Variants in SLC7A14 observed in about 807,000 individuals in gnomAD.
SLC7A14 encodes gamma-aminobutyric acid transporter SLC7A14.
In SLC7A14, 37 loss-of-function variants were observed where a neutral mutation model predicts 60.2. The observed-to-expected ratio is 0.61, with a 90% confidence interval of 0.47 to 0.81. The LOEUF is 0.81. SLC7A14 is among the 30% of genes least tolerant of loss of function. SLC7A14 has a pLI of 0.00. For synonymous variants in SLC7A14, 399 were observed against 395.8 expected (o/e 1.01, Z -0.10); for missense variants, 886 against 982.7 (o/e 0.90, Z 1.32).
intron 4 of SLC7A14, among the ~76,000 whole-genome samples, chr3:170,492,136 T>C (rs914434663): frequency 6.6e-6 from 1 of 152,176 alleles, no homozygotes; most frequent in South Asian, 2.1e-4. Context: ...TCTATCCAGA[T>C]CTCAGATCTG....
At chr3:170,538,724 A>G (rs1396839084) in intron 1 of SLC7A14, among the ~76,000 whole-genome samples, 1 of 152,234 alleles carries the variant, frequency 6.6e-6, no homozygotes, top group Non-Finnish European at 1.5e-5. Flanking sequence ...GAAGAAAAAG[A>G]TAGCCCCTGC....
chr3:170,492,646 A>G (rs1199244814), intron 4 of SLC7A14, among the ~76,000 whole-genome samples: 1 of 152,230 alleles, frequency 6.6e-6, no homozygotes, highest in Non-Finnish European at 1.5e-5. Flanking sequence ...CACGTGCCTC[A>G]GTTGCTGGAG....
chr3:170,501,058 T>C (rs747535693), intron 3 of SLC7A14, 51 bp downstream of exon 3: 3 of 1,577,190 alleles, frequency 1.9e-6, no homozygotes, highest in Non-Finnish European at 2.6e-6. Flanking sequence ...AACTCATTTA[T>C]GTGGCTTGGT....
intron 1 of SLC7A14, among the ~76,000 whole-genome samples, chr3:170,528,830 A>G (rs1210381720): frequency 1.3e-5 from 2 of 152,026 alleles, no homozygotes; most frequent in African/African-American, 2.4e-5. Context: ...AATATACCAT[A>G]TGTTTACCGA....
At chr3:170,500,643 T>C (rs976566039) in intron 3 of SLC7A14, among the ~76,000 whole-genome samples, 1 of 152,176 alleles carries the variant, frequency 6.6e-6, no homozygotes, top group Non-Finnish European at 1.5e-5. Context: ...ATGAAACCAC[T>C]GGAGAAATTG....
At chr3:170,476,104 A>C (rs1162904453) in intron 7 of SLC7A14, among the ~76,000 whole-genome samples, 1 of 152,234 alleles carries the variant, frequency 6.6e-6, no homozygotes, top group Admixed American at 6.5e-5. Flanking sequence ...ATCATTGTCA[A>C]CTTGGCTGCC....
intron 2 of SLC7A14, among the ~76,000 whole-genome samples, chr3:170,515,668 CT>C (rs1713134045): frequency 6.6e-6 from 1 of 151,926 alleles, no homozygotes; most frequent in Admixed American, 6.6e-5. Context: ...CTTTACAAAT[CT>C]TTCCCCTCTC....
chr3:170,507,337 A>G (rs1349348927), intron 2 of SLC7A14, among the ~76,000 whole-genome samples: 1 of 152,228 alleles, frequency 6.6e-6, no homozygotes, highest in Non-Finnish European at 1.5e-5. Flanking sequence ...TCAATCAGGA[A>G]AGAGTTTAAT....
In SLC7A14 at chr3:170,569,065, G is replaced by C. The variant is rs1347881995; in HGVS notation, c.-153+16846C>G. Among the ~76,000 whole-genome samples, 14 of 152,186 alleles carry C rather than the reference G, an allele frequency of 9.2e-5. No homozygotes were observed. In the East Asian group the frequency reaches 2.3e-3, roughly 25 times the overall value. On this transcript the variant is annotated intron_variant, in intron 1 of 7. Transcript: ENST00000231706. The stretch of plus-strand genomic sequence containing the variant: ...ACACTATGTTGAATAGGAGTGGTGA[G>C]AGAGGGCATCCCTGTCTTGTGCCAG...
Position 170,503,316 on chromosome 3 carries a change from A to G in SLC7A14, c.305-1971T>C, listed in dbSNP as rs1258564155. 6.6e-5 allele frequency among the ~76,000 whole-genome samples: 10 copies of G among 152,308 alleles called. No individual in the cohort carries two copies. In the East Asian group the frequency reaches 1.9e-3, roughly 29 times the overall value. ...CAACACCTGATATTTAAATTGTTAG[A>G]GTGAGTCTAAAATTAAGAGGAAATG... On this transcript the variant is annotated intron_variant, in intron 2 of 7. Coordinates refer to ENST00000231706, the MANE Select transcript of SLC7A14 (RefSeq NM_020949.3).
intron 1 of SLC7A14, among the ~76,000 whole-genome samples, chr3:170,556,267 T>C (rs1714483507): frequency 6.6e-6 from 1 of 152,228 alleles, no homozygotes; most frequent in African/African-American, 2.4e-5. Flanking sequence ...ATTTCTTATA[T>C]GGCAAATTCA....
At chr3:170,562,914 C>T (rs1714693229) in intron 1 of SLC7A14, among the ~76,000 whole-genome samples, 1 of 151,738 alleles carries the variant, frequency 6.6e-6, no homozygotes, top group Non-Finnish European at 1.5e-5. Flanking sequence ...GTGCACACTA[C>T]CACTCCTGTC....
chr3:170,484,328 A>T (rs757429791), intron 5 of SLC7A14, among the ~76,000 whole-genome samples: 15 of 152,212 alleles, frequency 9.9e-5, no homozygotes, highest in Non-Finnish European at 2.9e-5. Flanking sequence ...CCCCTCCTTC[A>T]ACACTCTGCC....
At chr3:170,576,474 G>A (rs1451182050) in intron 1 of SLC7A14, among the ~76,000 whole-genome samples, 25 of 152,218 alleles carry the variant, frequency 1.6e-4, no homozygotes, top group Admixed American at 1.6e-3. Flanking sequence ...GAGGCTTTTT[G>A]TAGGAGCTTC....
At chr3:170,504,352 A>T (rs1048380168) in intron 2 of SLC7A14, among the ~76,000 whole-genome samples, 4 of 151,670 alleles carry the variant, frequency 2.6e-5, no homozygotes, top group African/African-American at 9.7e-5. Flanking sequence ...ATGGAGTTTC[A>T]CTCTGTCGCC....
At chr3:170,468,714 C>T (rs1739794173) in intron 7 of SLC7A14, among the ~76,000 whole-genome samples, 2 of 152,302 alleles carry the variant, frequency 1.3e-5, no homozygotes, top group African/African-American at 4.8e-5. Context: ...GTGTTCAAAT[C>T]CTGCCTTCAT....
chr3:170,482,585 T>C lies in SLC7A14; in HGVS notation c.1115+729A>G, dbSNP rs908701602. 2.0e-5 allele frequency among the ~76,000 whole-genome samples: 3 copies of C among 152,204 alleles called. No homozygotes were observed. In the East Asian group the frequency reaches 5.8e-4, roughly 29 times the overall value. ...CTGGGGCCACATCCCCTTTGTACCA[T>C]GGGCAGATGGGCCACTTCATGGCCA... On this transcript the variant is annotated intron_variant, in intron 6 of 7. Coordinates refer to ENST00000231706, the MANE Select transcript of SLC7A14 (RefSeq NM_020949.3).
intron 1 of SLC7A14, among the ~76,000 whole-genome samples, chr3:170,577,414 C>T (rs369399705): frequency 4.5e-4 from 68 of 151,290 alleles, no homozygotes; most frequent in African/African-American, 1.2e-3. Flanking sequence ...GTCAGGAGAT[C>T]GAGACCATCC....
At chr3:170,498,359 A>C (rs1712475758) in intron 4 of SLC7A14, among the ~76,000 whole-genome samples, 1 of 152,204 alleles carries the variant, frequency 6.6e-6, no homozygotes, top group African/African-American at 2.4e-5. Flanking sequence ...TATCAGGATG[A>C]TTAAATGAGA....
Sources: gnomAD v4.1 joint callset for allele counts (sites outside exome capture counted in the v4.1 genomes callset) on GRCh38, gnomAD v4.1.1 for gene constraint, MANE v1.5 for transcripts, NCBI Gene and HGNC (gene_info 2026-07-23, HGNC 2026-07-21) for gene names.